The following MYH10 variants were observed in gnomAD, a reference collection of about 807,000 sequenced individuals.
MYH10 encodes myosin heavy chain 10, also known as myosin-10.
A neutral mutation model predicts 257.8 loss-of-function variants in MYH10; 55 were observed. That is an observed-to-expected ratio of 0.21 (90% confidence interval 0.17 to 0.27). The LOEUF (loss-of-function observed/expected upper bound fraction) is 0.27, where lower values mean the gene tolerates loss of function less well. Ranked by LOEUF, MYH10 falls within the 10% of genes least tolerant of loss-of-function variation. The pLI, the probability that MYH10 is intolerant of heterozygous loss-of-function variation, is 1.00. For missense variants in MYH10, 1,631 were observed against 2,500.6 expected, an observed-to-expected ratio of 0.65 and a Z score of 7.42; for synonymous variants, 854 against 921.7, an observed-to-expected ratio of 0.93 and a Z score of 1.33.
chr17:8,584,668 A>G (rs2083829510), intron 4 of MYH10, among the ~76,000 whole-genome samples: 1 of 152,144 alleles, frequency 6.6e-6, no homozygotes, highest in African/African-American at 2.4e-5. Flanking sequence ...TCAAGGAGGG[A>G]GTGAAACTGT....
chr17:8,574,109 C>A (rs1443925039), intron 6 of MYH10, among the ~76,000 whole-genome samples: 3 of 151,984 alleles, frequency 2.0e-5, no homozygotes, highest in Non-Finnish European at 4.4e-5. Flanking sequence ...ATTACAATGG[C>A]CAAAAAGTAG....
At chr17:8,498,675 G>A (rs174901) in intron 30 of MYH10, among the ~76,000 whole-genome samples, 4 of 151,858 alleles carry the variant, frequency 2.6e-5, no homozygotes, top group Non-Finnish European at 4.4e-5. Context: ...GTGAAACCCC[G>A]TCTCTACTAA....
At position 8,475,182 on chromosome 17, in the gene MYH10, G is replaced by C. The variant is rs1382927115; in HGVS notation, c.*622C>G. 6.5e-6 allele frequency: 1 copy of C among 152,992 alleles called. No homozygotes were observed. Among genetic ancestry groups the C allele is most frequent in the Non-Finnish European group, 1.5e-5 (1 of 68,660 alleles). 9.5% of individuals were successfully genotyped at this position (152,992 alleles called of 1,614,324 possible). A position where few individuals can be genotyped will look rare whatever the true frequency, so the allele number is the denominator to read the frequency against. On this transcript the variant is annotated 3_prime_UTR_variant, in exon 43 of 43. Coordinates refer to ENST00000360416, the MANE Select transcript of MYH10 (RefSeq NM_001256012.3). ...CGGGACACCATCGACTCGAGGGGCA[G>C]GGCCCCCCTTGGGGGATGGACATGG... is the stretch of plus-strand genomic sequence containing the variant.
intron 21 of MYH10, among the ~76,000 whole-genome samples, chr17:8,514,589 A>G (rs956796600): frequency 2.6e-5 from 4 of 151,050 alleles, no homozygotes; most frequent in Non-Finnish European, 4.4e-5. Context: ...CTATTTTTCA[A>G]TTTCTCACTC....
Position 8,475,562 on chromosome 17 carries a change from A to C in MYH10, c.*242T>G. ...TGGTCTCTTGATGACTATATGGAAA[A>C]TAGATGCAATGATGAAACAATCTGT... On this transcript the variant is annotated 3_prime_UTR_variant, in exon 43 of 43. Coordinates refer to ENST00000360416, the MANE Select transcript of MYH10 (RefSeq NM_001256012.3). 2.2e-6 allele frequency: 1 copy of C among 459,672 alleles called. No individual in the cohort carries two copies. Among genetic ancestry groups the C allele is most frequent in the South Asian group, 3.9e-5 (1 of 25,870 alleles). The allele number at this position is 459,672 out of a possible 1,614,324, so 28.5% of individuals were successfully genotyped here. A position where few individuals can be genotyped will look rare whatever the true frequency, so the allele number is the denominator to read the frequency against.
chr17:8,627,596 T>C (rs1265988278), intron 1 of MYH10, among the ~76,000 whole-genome samples: 1 of 152,208 alleles, frequency 6.6e-6, no homozygotes, highest in East Asian at 1.9e-4. Flanking sequence ...ATTGGAGATA[T>C]TTTGTTCAGT....
chr17:8,580,501 T>G (rs748534442), intron 4 of MYH10, among the ~76,000 whole-genome samples: 1 of 152,186 alleles, frequency 6.6e-6, no homozygotes, highest in Non-Finnish European at 1.5e-5. Flanking sequence ...CATGTTTGCC[T>G]TATTTATCCT....
At chr17:8,570,423 T>C (rs1247400607) in intron 6 of MYH10, among the ~76,000 whole-genome samples, 3 of 152,170 alleles carry the variant, frequency 2.0e-5, no homozygotes, top group Admixed American at 1.3e-4. Context: ...TGTCTTTACT[T>C]ATATGTAAAT....
At chr17:8,523,618 T>C (rs2081733371) in intron 17 of MYH10, among the ~76,000 whole-genome samples, 1 of 152,118 alleles carries the variant, frequency 6.6e-6, no homozygotes, top group African/African-American at 2.4e-5. Context: ...ACACTCGCAC[T>C]GGCTGCTGCC....
chr17:8,512,816 A>C (rs865776494), intron 23 of MYH10, among the ~76,000 whole-genome samples, 159 bp from the exon 24 acceptor site: 32 of 152,174 alleles, frequency 2.1e-4, no homozygotes, highest in African/African-American at 7.5e-4. Flanking sequence ...GTCTATAGCA[A>C]AATAAGCAAG....
intron 4 of MYH10, among the ~76,000 whole-genome samples, chr17:8,588,499 C>A (rs1427332819): frequency 6.6e-6 from 1 of 152,202 alleles, no homozygotes; most frequent in Non-Finnish European, 1.5e-5. Flanking sequence ...CTTGGTAAAT[C>A]TGCCTCCTAA....
intron 38 of MYH10, among the ~76,000 whole-genome samples, chr17:8,480,997 CCTAT>C (rs1316561038): frequency 2.8e-4 from 1 of 3,618 alleles, no homozygotes; most frequent in Non-Finnish European, 9.7e-4. Flanking sequence ...AGAGAAAGGT[CCTAT>C]CTGAGGAACC....
rs542815642 is a variant in MYH10, at chr17:8,589,661, T to C, written c.503-553A>G. Among the ~76,000 whole-genome samples, 4 of 152,282 alleles carry C rather than the reference T, an allele frequency of 2.6e-5. No homozygotes were observed. The South Asian group carries it at 6.2e-4, about 24-fold the overall frequency. On this transcript the variant is annotated intron_variant, in intron 3 of 42. Coordinates refer to ENST00000360416, the MANE Select transcript of MYH10 (RefSeq NM_001256012.3). ...ATTAAACACTGAGTGGAAAGAAAGT[T>C]GAAGGAGGATAAACATCTATAAATA...
At chr17:8,497,801 G>A (rs1482478489) in intron 30 of MYH10, among the ~76,000 whole-genome samples, 2 of 146,724 alleles carry the variant, frequency 1.4e-5, no homozygotes, top group African/African-American at 2.5e-5. Flanking sequence ...CACTGACCAT[G>A]TACAGTTCAT....
intron 1 of MYH10, among the ~76,000 whole-genome samples, chr17:8,629,470 A>C: frequency 6.6e-6 from 1 of 151,730 alleles, no homozygotes; most frequent in East Asian, 1.9e-4. Flanking sequence ...GCCCGGTCTG[A>C]CCCGCCGAGT....
intron 29 of MYH10, among the ~76,000 whole-genome samples, chr17:8,500,215 G>A (rs1296414491): frequency 6.6e-6 from 1 of 152,190 alleles, no homozygotes; most frequent in African/African-American, 2.4e-5. Context: ...GGAGAAACTG[G>A]AGCAAGAACC....
intron 17 of MYH10, among the ~76,000 whole-genome samples, chr17:8,522,771 C>T (rs970345342): frequency 3.9e-5 from 6 of 152,154 alleles, no homozygotes; most frequent in East Asian, 1.9e-4. Flanking sequence ...GCTTATGGCC[C>T]GTCCTCTTCC....
At chr17:8,602,943 TTAA>T (rs1309642765) in intron 3 of MYH10, among the ~76,000 whole-genome samples, 3 of 152,314 alleles carry the variant, frequency 2.0e-5, no homozygotes, top group South Asian at 2.1e-4. Context: ...AAAAATGATA[TTAA>T]TAATATGATA....
At chr17:8,553,779 C>A in intron 8 of MYH10, 176 bp downstream of exon 8, 1 of 542,548 alleles carries the variant, frequency 1.8e-6, no homozygotes, top group Non-Finnish European at 3.4e-6. Context: ...TTACAAACAA[C>A]AAAACAACTT....
Sources: gnomAD v4.1 joint callset for allele counts (sites outside exome capture counted in the v4.1 genomes callset) on GRCh38, gnomAD v4.1.1 for gene constraint, MANE v1.5 for transcripts, NCBI Gene and HGNC (gene_info 2026-07-23, HGNC 2026-07-21) for gene names.